NKAIN2: variants seen among roughly 807,000 people sequenced by gnomAD.
NKAIN2 encodes the protein sodium/potassium transporting ATPase interacting 2.
A neutral mutation model predicts 32.6 loss-of-function variants in NKAIN2; 14 were observed. The ratio of observed to expected loss-of-function variants is 0.43; its 90% CI spans 0.28 to 0.67. NKAIN2 has a LOEUF of 0.67. Among genes scored for constraint, NKAIN2 ranks in the 30% least tolerant of loss-of-function variants. The pLI, the probability that NKAIN2 is intolerant of heterozygous loss-of-function variation, is 0.17. For missense variants in NKAIN2, 198 were observed against 258.3 expected, an observed-to-expected ratio of 0.77 and a Z score of 1.60; for synonymous variants, 80 against 87.2, an observed-to-expected ratio of 0.92 and a Z score of 0.46.
intron 1 of NKAIN2, among the ~76,000 whole-genome samples, chr6:124,038,883 C>A (rs1394853394): frequency 6.6e-6 from 1 of 152,036 alleles, no homozygotes; most frequent in Non-Finnish European, 1.5e-5. Flanking sequence ...AATTGCTGTA[C>A]CAGAACGAGG....
intron 1 of NKAIN2, among the ~76,000 whole-genome samples, chr6:124,138,661 ATAT>A (rs1469819279): frequency 1.4e-5 from 1 of 71,168 alleles, no homozygotes; most frequent in Non-Finnish European, 2.6e-5. Flanking sequence ...TAATTATGTT[ATAT>A]TATTAATTAT....
At chr6:124,215,696 A>G (rs1405588033) in intron 1 of NKAIN2, among the ~76,000 whole-genome samples, 1 of 152,186 alleles carries the variant, frequency 6.6e-6, no homozygotes, top group Non-Finnish European at 1.5e-5. Flanking sequence ...GTGCCCTCAC[A>G]TATGTAAGAT....
At chr6:124,492,382 C>T (rs1036922279) in intron 3 of NKAIN2, among the ~76,000 whole-genome samples, 4 of 151,846 alleles carry the variant, frequency 2.6e-5, no homozygotes, top group Admixed American at 2.0e-4. Context: ...AAATTTCCTA[C>T]AGTTCAGTTA....
At chr6:124,492,355 C>T (rs547289521) in intron 3 of NKAIN2, among the ~76,000 whole-genome samples, 1 of 152,000 alleles carries the variant, frequency 6.6e-6, no homozygotes, top group African/African-American at 2.4e-5. Flanking sequence ...AAACATCTTC[C>T]TGCCTAGAGT....
At chr6:124,455,531 A>G (rs1270371844) in intron 3 of NKAIN2, among the ~76,000 whole-genome samples, 1 of 152,032 alleles carries the variant, frequency 6.6e-6, no homozygotes, top group Non-Finnish European at 1.5e-5. Flanking sequence ...CAAAACACAT[A>G]AGTGATAAAT....
At chr6:124,558,623 G>C (rs967636526) in intron 3 of NKAIN2, among the ~76,000 whole-genome samples, 2 of 152,146 alleles carry the variant, frequency 1.3e-5, no homozygotes, top group Non-Finnish European at 2.9e-5. Flanking sequence ...GGGCAGGAAG[G>C]AGAAAGAAAC....
chr6:124,606,306 A>T (rs1782496696), intron 3 of NKAIN2, among the ~76,000 whole-genome samples: 1 of 151,766 alleles, frequency 6.6e-6, no homozygotes. Context: ...TTCAAATTTC[A>T]TGTCAACCAC....
At chr6:124,228,336 A>T (rs556778598) in intron 1 of NKAIN2, among the ~76,000 whole-genome samples, 1 of 152,306 alleles carries the variant, frequency 6.6e-6, no homozygotes, top group African/African-American at 2.4e-5. Flanking sequence ...ACAAGAAGTC[A>T]GCAGTTTGTA....
Position 123,911,809 on chromosome 6 carries a change from A to ATATATGTGTATATATATATATATG in NKAIN2, c.54+107559_54+107560insTGTGTATATATATATATATGTATA, listed in dbSNP as rs1554222371. Reference sequence around the variant, plus strand: ...TATATATATATATATATGTATATATATATACACACACACACACACACACAC... The same window carrying ATATATGTGTATATATATATATATG: ...TATATATATATATATATGTATATATATATATGTGTATATATATATATATGTATACACACACACACACACACACAC... On this transcript the variant is annotated intron_variant, in intron 1 of 6. Coordinates refer to ENST00000368417, the MANE Select transcript of NKAIN2 (RefSeq NM_001040214.3). Among the ~76,000 whole-genome samples, 5 of 102,004 alleles carry ATATATGTGTATATATATATATATG rather than the reference A, an allele frequency of 4.9e-5. 1 individual carries two copies. The highest frequency in any genetic ancestry group is 2.3e-4 in the African/African-American group (5 of 21,360). The allele number at this position is 102,004 out of a possible 152,430, so 66.9% of individuals were successfully genotyped here. A position where few individuals can be genotyped will look rare whatever the true frequency, so the allele number is the denominator to read the frequency against.
intron 1 of NKAIN2, among the ~76,000 whole-genome samples, chr6:123,974,350 ATT>A (rs10549484): frequency 0.63 from 95,363 of 151,808 alleles, 30,221 homozygotes; most frequent in East Asian, 0.88. Flanking sequence ...AGCAGGCTTT[ATT>A]TCAGTTCCTG....
intron 4 of NKAIN2, among the ~76,000 whole-genome samples, chr6:124,709,434 C>T (rs1267358278): frequency 2.0e-5 from 3 of 151,474 alleles, no homozygotes; most frequent in Non-Finnish European, 2.9e-5. Flanking sequence ...CTCCTTGTAC[C>T]TCTGGTAGAA....
intron 3 of NKAIN2, among the ~76,000 whole-genome samples, chr6:124,490,728 G>A (rs519862): frequency 0.17 from 25,562 of 151,478 alleles, 2,436 homozygotes; most frequent in East Asian, 0.35. Context: ...TAATCCCTGA[G>A]CATAGAAATT....
intron 1 of NKAIN2, among the ~76,000 whole-genome samples, chr6:124,023,207 AACAC>A (rs138082472): frequency 6.6e-6 from 1 of 151,096 alleles, no homozygotes; most frequent in South Asian, 2.1e-4. Context: ...TCTGAGATTA[AACAC>A]ACACACACAC....
intron 1 of NKAIN2, among the ~76,000 whole-genome samples, chr6:123,905,529 C>G (rs566831407): frequency 6.7e-6 from 1 of 149,930 alleles, no homozygotes; most frequent in South Asian, 2.1e-4. Flanking sequence ...GAAAAGAGTT[C>G]AGAACAAAAG....
intron 1 of NKAIN2, among the ~76,000 whole-genome samples, chr6:123,874,843 G>T (rs1478298629): frequency 2.0e-5 from 3 of 151,904 alleles, no homozygotes; most frequent in African/African-American, 7.2e-5. Flanking sequence ...GACAACTGTG[G>T]TTACCATTAT....
At chr6:124,093,265 AC>A (rs1784510009) in intron 1 of NKAIN2, among the ~76,000 whole-genome samples, 2 of 152,094 alleles carry the variant, frequency 1.3e-5, no homozygotes, top group Non-Finnish European at 2.9e-5. Flanking sequence ...CTCTGCAGTT[AC>A]GGAGAATCAG....
At chr6:123,882,617 T>C (rs1773504257) in intron 1 of NKAIN2, among the ~76,000 whole-genome samples, 1 of 152,190 alleles carries the variant, frequency 6.6e-6, no homozygotes, top group East Asian at 1.9e-4. Flanking sequence ...TAACTTACAT[T>C]TGAGTGAAAA....
At chr6:124,038,548 T>G (rs1428826786) in intron 1 of NKAIN2, among the ~76,000 whole-genome samples, 2 of 152,056 alleles carry the variant, frequency 1.3e-5, no homozygotes, top group African/African-American at 4.8e-5. Context: ...GATTGTTGAT[T>G]ATTGTGGGCT....
At chr6:123,980,778 C>G (rs1384422106) in intron 1 of NKAIN2, among the ~76,000 whole-genome samples, 1 of 152,014 alleles carries the variant, frequency 6.6e-6, no homozygotes, top group Admixed American at 6.6e-5. Flanking sequence ...GATCCCTTAA[C>G]TGACTTTCAT....
Sources: gnomAD v4.1 joint callset for allele counts (sites outside exome capture counted in the v4.1 genomes callset) on GRCh38, gnomAD v4.1.1 for gene constraint, MANE v1.5 for transcripts, NCBI Gene and HGNC (gene_info 2026-07-23, HGNC 2026-07-21) for gene names.